The following RPTOR variants were observed in gnomAD, a reference collection of about 807,000 sequenced individuals.
RPTOR encodes regulatory-associated protein of mTOR.
A neutral mutation model predicts 169.9 loss-of-function variants in RPTOR; 21 were observed. That is an observed-to-expected ratio of 0.12 (90% CI 0.09 to 0.18). The LOEUF is 0.18. Ranked by LOEUF, RPTOR falls within the 10% of genes least tolerant of loss-of-function variation. RPTOR has a pLI of 1.00. For missense variants in RPTOR, 1,133 were observed against 1,855.9 expected, an observed-to-expected ratio of 0.61 and a Z score of 7.16; for synonymous variants, 732 against 753.2, an observed-to-expected ratio of 0.97 and a Z score of 0.46.
chr17:80,930,366 T>TCATCCC (rs1567993679), intron 24 of RPTOR, among the ~76,000 whole-genome samples: 3 of 13,674 alleles, frequency 2.2e-4, no homozygotes, highest in Admixed American at 9.5e-4. Flanking sequence ...CAGCTCATCC[T>TCATCCC]CAGCTCATCC....
chr17:80,877,514 TCA>T (rs2068134914), intron 13 of RPTOR, among the ~76,000 whole-genome samples: 1 of 152,144 alleles, frequency 6.6e-6, no homozygotes, highest in South Asian at 2.1e-4. Flanking sequence ...TGCCTCAAAT[TCA>T]GAATTAGTGA....
In RPTOR at chr17:80,861,019, G is replaced by A. The variant is rs528773702; in HGVS notation, c.1509+3119G>A. On this transcript the variant is annotated intron_variant, in intron 13 of 33. Coordinates refer to ENST00000306801, the MANE Select transcript of RPTOR (RefSeq NM_020761.3). This position sits in a 1 kb window ranked among gnomAD's most constrained non-coding sequence, Gnocchi z 4.5. ...CTGCACCTGGCTGTGACCAGAGAAC[G>A]CTCCATAATGGTGACCTGAATACCA... 6.9e-4 allele frequency among the ~76,000 whole-genome samples: 100 copies of A among 144,450 alleles called. 9 individuals carry two copies. The highest frequency in any genetic ancestry group is 2.2e-3 in the African/African-American group (92 of 40,998). 94.8% of individuals were successfully genotyped at this position (144,450 alleles called of 152,430 possible).
chr17:80,897,213 C>T (rs913196596), intron 20 of RPTOR, among the ~76,000 whole-genome samples: 4 of 150,512 alleles, frequency 2.7e-5, no homozygotes, highest in Non-Finnish European at 4.4e-5. Context: ...CACACCACTG[C>T]ACTCCAGCCT....
rs1477560871 is a variant in RPTOR at position 80,949,404 on chromosome 17, AG to A, written c.3266-35del. 3 of 1,526,470 alleles carry A rather than the reference AG, an allele frequency of 2.0e-6. No individual in the cohort carries two copies. The African/African-American group carries it at 4.1e-5, about 21-fold the overall frequency. The allele number at this position is 1,526,470 out of a possible 1,614,324, so 94.6% of individuals were successfully genotyped here. ...GCACAGAGCACAGGCCAGGCCATCG[AG>A]GGGCCTGGTTCACATCCTTTCCTCT... On this transcript the variant is annotated intron_variant, in intron 27 of 33. Transcript: ENST00000306801.
At chr17:80,908,525 AT>A (rs1442430675) in intron 20 of RPTOR, among the ~76,000 whole-genome samples, 1 of 152,200 alleles carries the variant, frequency 6.6e-6, no homozygotes, top group Non-Finnish European at 1.5e-5. Context: ...ATGCCCTCCG[AT>A]CCGCTGAGGC....
intron 1 of RPTOR, among the ~76,000 whole-genome samples, chr17:80,548,371 GTTTTTTTT>G (rs34301408): frequency 1.6e-5 from 1 of 63,432 alleles, no homozygotes; most frequent in African/African-American, 5.3e-5. Flanking sequence ...GCCTGGGGTG[GTTTTTTTT>G]TTTTTTTTTT....
At chr17:80,891,084 A>C (rs1445559968) in intron 17 of RPTOR, among the ~76,000 whole-genome samples, 1 of 152,136 alleles carries the variant, frequency 6.6e-6, no homozygotes, top group East Asian at 1.9e-4. Context: ...GACTTCTAGG[A>C]TCTCCAGCTG....
At chr17:80,743,582 C>A (rs2066506696) in intron 5 of RPTOR, among the ~76,000 whole-genome samples, 1 of 152,174 alleles carries the variant, frequency 6.6e-6, no homozygotes, top group Non-Finnish European at 1.5e-5. Flanking sequence ...AATCATGGAA[C>A]AAATCATAAA....
Position 80,695,836 on chromosome 17 carries a change from G to GC in RPTOR, c.349-12004dup, listed in dbSNP as rs1295037621. ...GGGAGGAGCGTTGGGGGTGGCTGGA[G>GC]CTGGTGGGCCAAGGGCCGCAGACCA... On this transcript the variant is annotated intron_variant, in intron 3 of 33. Transcript: ENST00000306801. This position sits in a 1 kb window ranked among gnomAD's most constrained non-coding sequence, Gnocchi z 4.9. Among the ~76,000 whole-genome samples, 2 of 152,350 alleles carry GC rather than the reference G, an allele frequency of 1.3e-5. No homozygotes were observed. The highest frequency in any genetic ancestry group is 4.8e-5 in the African/African-American group (2 of 41,586).
At chr17:80,688,873 G>A (rs2065968998) in intron 3 of RPTOR, among the ~76,000 whole-genome samples, 1 of 152,240 alleles carries the variant, frequency 6.6e-6, no homozygotes, top group African/African-American at 2.4e-5. Flanking sequence ...CAGACTCTCT[G>A]CCCTTCCACC....
In RPTOR at chr17:80,891,881, C is replaced by T. The variant is rs553208143; in HGVS notation, c.2101+44C>T. Reference sequence around the variant, plus strand: ...TGAACCCGCAGAGCACCTCGCCTGGCGGTTCTAGTGCAGGCCGCGGCCCAG... The same window carrying T: ...TGAACCCGCAGAGCACCTCGCCTGGTGGTTCTAGTGCAGGCCGCGGCCCAG... On this transcript the variant is annotated intron_variant, in intron 18 of 33. Coordinates refer to ENST00000306801, the MANE Select transcript of RPTOR (RefSeq NM_020761.3). 12 of 1,402,914 alleles carry T rather than the reference C, an allele frequency of 8.6e-6. No homozygotes were observed. In the East Asian group the frequency reaches 9.1e-5, roughly 11 times the overall value. 86.9% of individuals were successfully genotyped at this position (1,402,914 alleles called of 1,614,324 possible). A position where few individuals can be genotyped will look rare whatever the true frequency, so the allele number is the denominator to read the frequency against.
chr17:80,870,087 G>C (rs78408695), intron 13 of RPTOR, among the ~76,000 whole-genome samples: 1 of 152,116 alleles, frequency 6.6e-6, no homozygotes, highest in African/African-American at 2.4e-5. Context: ...CGTAGGCAAG[G>C]TTCCAGTTAA....
At chr17:80,587,769 T>C (rs184665076) in intron 1 of RPTOR, among the ~76,000 whole-genome samples, 2 of 147,920 alleles carry the variant, frequency 1.4e-5, no homozygotes, top group African/African-American at 2.4e-5. Context: ...ACCACACATA[T>C]GTATCTTTTT....
At chr17:80,710,583 G>GTGTA in intron 4 of RPTOR, among the ~76,000 whole-genome samples, 1 of 150,706 alleles carries the variant, frequency 6.6e-6, no homozygotes, top group East Asian at 1.9e-4. Context: ...GTGTGTGTGT[G>GTGTA]TGTGTGTGTG....
Position 80,707,790 on chromosome 17 carries a change from A to C in RPTOR, c.349-51A>C, listed in dbSNP as rs2306690. Reference sequence around the variant, plus strand: ...AGGAAAGGGTAGGGGATGAGTTCCAAGCATTCCCTGGAGTCCGTGGTAAAT... The same window carrying C: ...AGGAAAGGGTAGGGGATGAGTTCCACGCATTCCCTGGAGTCCGTGGTAAAT... On this transcript the variant is annotated intron_variant, in intron 3 of 33. Transcript: ENST00000306801. This position sits in a 1 kb window ranked among gnomAD's most constrained non-coding sequence, Gnocchi z 5.0. 8 of 1,573,740 alleles carry C rather than the reference A, an allele frequency of 5.1e-6. No individual in the cohort carries two copies. The highest frequency in any genetic ancestry group is 1.7e-4 in the Middle Eastern group (1 of 5,892).
In RPTOR at chr17:80,740,412, C is replaced by G. The variant is rs140115796; in HGVS notation, c.654+9706C>G. On this transcript the variant is annotated intron_variant, in intron 5 of 33. Coordinates refer to ENST00000306801, the MANE Select transcript of RPTOR (RefSeq NM_020761.3). ...TAGAAGGGTTGGGAACACATTTCAA[C>G]TCATTTTATGAGGCCATTATTATCC... Among the ~76,000 whole-genome samples the G allele has an allele frequency of 4.0e-3, 614 of 152,322 alleles. 7 individuals are homozygous for G. The highest frequency in any genetic ancestry group is 0.014 in the African/African-American group (582 of 41,576).
At chr17:80,956,924 C>G (rs1399737846) in intron 28 of RPTOR, among the ~76,000 whole-genome samples, 4 of 152,214 alleles carry the variant, frequency 2.6e-5, no homozygotes, top group Non-Finnish European at 5.9e-5. Flanking sequence ...CTGGAAGGCT[C>G]TGCTCCGAAC....
At chr17:80,793,034 C>T (rs893405324) in intron 7 of RPTOR, among the ~76,000 whole-genome samples, 8 of 152,108 alleles carry the variant, frequency 5.3e-5, no homozygotes, top group East Asian at 1.9e-4. Flanking sequence ...TGGTCTTGAA[C>T]GCCTGGCCTC....
chr17:80,832,041 G>A (rs954454455), intron 9 of RPTOR, among the ~76,000 whole-genome samples: 1 of 152,220 alleles, frequency 6.6e-6, no homozygotes, highest in South Asian at 2.1e-4. Flanking sequence ...TTGGTGCCTG[G>A]CTATAAGGGC....
Sources: allele counts gnomAD v4.1 joint callset (sites outside exome capture counted in the v4.1 genomes callset), GRCh38; gene constraint gnomAD v4.1.1; non-coding constraint Gnocchi (gnomAD v3.1); transcripts MANE v1.5; gene names NCBI Gene and HGNC (gene_info 2026-07-23, HGNC 2026-07-21).